Variants in MTDH observed in about 807,000 individuals in gnomAD.
The protein encoded by MTDH is metadherin.
MTDH carries 34 observed loss-of-function variants against 72.7 expected under a neutral mutation model. That is an observed-to-expected ratio of 0.47 (90% CI 0.36 to 0.62). The LOEUF (loss-of-function observed/expected upper bound fraction) is 0.62. MTDH is among the 20% of genes least tolerant of loss of function. MTDH has a pLI of 0.00. For missense variants in MTDH, 677 were observed against 699.4 expected, an observed-to-expected ratio of 0.97 and a Z score of 0.36; for synonymous variants, 266 against 268.9, an observed-to-expected ratio of 0.99 and a Z score of 0.10.
At chr8:97,703,827 T>G (rs1224342293) in intron 7 of MTDH, among the ~76,000 whole-genome samples, 1 of 152,238 alleles carries the variant, frequency 6.6e-6, no homozygotes, top group African/African-American at 2.4e-5. Context: ...ATTGAGCGCT[T>G]ACTGCATTGC....
At chr8:97,658,567 C>A (rs902285162) in intron 1 of MTDH, among the ~76,000 whole-genome samples, 2 of 152,134 alleles carry the variant, frequency 1.3e-5, no homozygotes, top group African/African-American at 4.8e-5. Flanking sequence ...AAATAAATCC[C>A]AATGACTCAG....
At chr8:97,685,836 A>C (rs1293225324) in intron 2 of MTDH, among the ~76,000 whole-genome samples, 1 of 152,208 alleles carries the variant, frequency 6.6e-6, no homozygotes, top group Non-Finnish European at 1.5e-5. Flanking sequence ...GTGAATACAA[A>C]GTATAAAAAT....
chr8:97,660,533 T>C (rs1052435409), intron 1 of MTDH, among the ~76,000 whole-genome samples: 2 of 152,242 alleles, frequency 1.3e-5, no homozygotes, highest in Non-Finnish European at 2.9e-5. Context: ...GTTTCTGTTT[T>C]GTTTTGTTTT....
intron 7 of MTDH, among the ~76,000 whole-genome samples, chr8:97,702,378 C>G (rs1174217525): frequency 6.6e-6 from 1 of 152,208 alleles, no homozygotes; most frequent in African/African-American, 2.4e-5. Context: ...ATGCAGGTTA[C>G]ATGATTATTC....
At chr8:97,681,023 G>C (rs1813046691) in intron 2 of MTDH, among the ~76,000 whole-genome samples, 1 of 152,016 alleles carries the variant, frequency 6.6e-6, no homozygotes, top group South Asian at 2.1e-4. Context: ...ATCTTTTTCA[G>C]TTTTAAATGT....
At chr8:97,697,129 A>ATAT (rs1554580222) in intron 6 of MTDH, among the ~76,000 whole-genome samples, 6 of 85,772 alleles carry the variant, frequency 7.0e-5, no homozygotes, top group African/African-American at 1.4e-4. Context: ...CAAAAAAAAA[A>ATAT]ATATATATAT....
At chr8:97,669,776 C>T (rs1461972160) in intron 2 of MTDH, among the ~76,000 whole-genome samples, 2 of 152,028 alleles carry the variant, frequency 1.3e-5, no homozygotes, top group African/African-American at 4.8e-5. Context: ...ATTAGCTGGG[C>T]ATGATGGCAC....
intron 7 of MTDH, among the ~76,000 whole-genome samples, chr8:97,701,530 T>C (rs1429008472): frequency 1.3e-5 from 2 of 152,174 alleles, no homozygotes; most frequent in African/African-American, 4.8e-5. Context: ...TGACTGTGTA[T>C]GAAGTATTTA....
chr8:97,692,321 G>A (rs184712740), intron 6 of MTDH, among the ~76,000 whole-genome samples: 1 of 152,100 alleles, frequency 6.6e-6, no homozygotes, highest in Admixed American at 6.6e-5. Context: ...GCCCTATAAT[G>A]TTTAAGGATA....
chr8:97,675,631 G>T (rs1812811536), intron 2 of MTDH, among the ~76,000 whole-genome samples: 1 of 151,858 alleles, frequency 6.6e-6, no homozygotes, highest in Non-Finnish European at 1.5e-5. Flanking sequence ...CCAGCACTTG[G>T]GAGGCTGAGG....
intron 2 of MTDH, among the ~76,000 whole-genome samples, chr8:97,677,051 C>T (rs181293147): frequency 1.4e-3 from 190 of 136,526 alleles, no homozygotes; most frequent in African/African-American, 4.8e-3. Flanking sequence ...GGCATGATGA[C>T]GCATGCCTAT....
chr8:97,646,088 G>A lies in MTDH; in HGVS notation c.381+1201G>A, dbSNP rs374109582. 1.1e-4 allele frequency among the ~76,000 whole-genome samples: 17 copies of A among 152,156 alleles called. 1 individual carries two copies. In the East Asian group the frequency reaches 1.2e-3, roughly 10 times the overall value. On this transcript the variant is annotated intron_variant, in intron 1 of 11. Transcript: ENST00000336273. Reference sequence around the variant, plus strand: ...AGAGGTTTTAACTGAGTGTTAATGAGGTTTGGAGGGTAGGAGACATTTCAC... The same window carrying A: ...AGAGGTTTTAACTGAGTGTTAATGAAGTTTGGAGGGTAGGAGACATTTCAC...
intron 1 of MTDH, among the ~76,000 whole-genome samples, chr8:97,658,527 G>A (rs946399172): frequency 2.6e-5 from 4 of 152,158 alleles, no homozygotes; most frequent in East Asian, 1.9e-4. Context: ...GTTTTTGACC[G>A]AATAATTTCT....
intron 5 of MTDH, among the ~76,000 whole-genome samples, chr8:97,689,630 T>C (rs898260140): frequency 6.6e-6 from 1 of 152,100 alleles, no homozygotes; most frequent in African/African-American, 2.4e-5. Context: ...AGTAGAGTGT[T>C]ATGCCTGACC....
chr8:97,693,173 A>G (rs530609868), intron 6 of MTDH, among the ~76,000 whole-genome samples: 8 of 152,320 alleles, frequency 5.3e-5, no homozygotes, highest in Non-Finnish European at 1.0e-4. Context: ...AAGCATCAGT[A>G]TAAGTGCCCA....
intron 2 of MTDH, among the ~76,000 whole-genome samples, chr8:97,682,743 C>A (rs1813186818): frequency 6.6e-6 from 1 of 150,846 alleles, no homozygotes. Context: ...TTCAAAGTCT[C>A]CCTTCTTAAA....
In MTDH at chr8:97,728,846, A is replaced by G. The variant is rs1815453105; in HGVS notation, c.*4176A>G. The G allele has an allele frequency of 6.6e-6, 1 of 150,760 alleles. No homozygotes were observed. Among genetic ancestry groups the G allele is most frequent in the Non-Finnish European group, 1.5e-5 (1 of 67,840 alleles). 9.3% of individuals were successfully genotyped at this position (150,760 alleles called of 1,614,324 possible). ...GAAGGCAATCCAGAGCCCATATGAC[A>G]TTATGCAGGGTCAGGGATCCGGGTT... On this transcript the variant is annotated 3_prime_UTR_variant, in exon 12 of 12. Transcript: ENST00000336273.
intron 8 of MTDH, among the ~76,000 whole-genome samples, chr8:97,712,726 G>A (rs1190832726): frequency 1.3e-5 from 2 of 152,310 alleles, no homozygotes; most frequent in South Asian, 2.1e-4. Flanking sequence ...GTTCTGATAG[G>A]TGTACAGTGA....
At chr8:97,691,757 A>G (rs1813617234) in intron 6 of MTDH, among the ~76,000 whole-genome samples, 2 of 152,022 alleles carry the variant, frequency 1.3e-5, no homozygotes, top group African/African-American at 4.8e-5. Flanking sequence ...CATGTGGGCA[A>G]TTGCAAAATG....
Sources: allele counts gnomAD v4.1 joint callset (sites outside exome capture counted in the v4.1 genomes callset), GRCh38; gene constraint gnomAD v4.1.1; transcripts MANE v1.5; gene names NCBI Gene and HGNC (gene_info 2026-07-23, HGNC 2026-07-21).